Variants in AFAP1 observed in about 807,000 individuals in gnomAD.
AFAP1 encodes the protein actin filament-associated protein 1.
In AFAP1, 75 loss-of-function variants were observed where a neutral mutation model predicts 93.9. The ratio of observed to expected loss-of-function variants is 0.80; its 90% CI spans 0.66 to 0.97. AFAP1 has a LOEUF of 0.97. AFAP1 is among the 50% of genes least tolerant of loss of function. The pLI, the probability that AFAP1 is intolerant of heterozygous loss-of-function variation, is 0.00. For synonymous variants in AFAP1, 517 were observed against 430.7 expected, an observed-to-expected ratio of 1.20 and a Z score of -2.48; for missense variants, 1,201 against 1,050.8, an observed-to-expected ratio of 1.14 and a Z score of -1.98.
chr4:7,871,714 T>C (rs891791865), intron 2 of AFAP1, among the ~76,000 whole-genome samples: 4 of 152,130 alleles, frequency 2.6e-5, no homozygotes, highest in African/African-American at 9.7e-5. Context: ...AACGCTGGGG[T>C]TGCCCTGAGG....
At chr4:7,853,541 G>A (rs780225907) in intron 4 of AFAP1, among the ~76,000 whole-genome samples, 12 of 152,094 alleles carry the variant, frequency 7.9e-5, no homozygotes, top group African/African-American at 1.9e-4. Context: ...CTTTCTTCCC[G>A]GCTGCCGGCC....
chr4:7,839,121 G>T (rs1248594438), intron 5 of AFAP1, among the ~76,000 whole-genome samples: 1 of 152,150 alleles, frequency 6.6e-6, no homozygotes, highest in East Asian at 1.9e-4. Context: ...GATCACTTGA[G>T]CCCAGGAGTT....
At chr4:7,808,582 G>A (rs1479142910) in intron 9 of AFAP1, among the ~76,000 whole-genome samples, 1 of 152,324 alleles carries the variant, frequency 6.6e-6, no homozygotes. Flanking sequence ...CTGTGTGTTA[G>A]ACTGGATTTG....
chr4:7,767,529 G>A (rs1001783007), intron 17 of AFAP1, among the ~76,000 whole-genome samples: 9 of 152,174 alleles, frequency 5.9e-5, no homozygotes, highest in Non-Finnish European at 1.3e-4. Flanking sequence ...CACCAGCTGA[G>A]AACACTTGGT....
chr4:7,815,718 G>C (rs922704751), intron 8 of AFAP1, among the ~76,000 whole-genome samples: 5 of 152,154 alleles, frequency 3.3e-5, no homozygotes, highest in African/African-American at 1.2e-4. Context: ...GTGACAGATC[G>C]AGTGAAGAAA....
chr4:7,877,285 G>C (rs913252537), intron 1 of AFAP1, among the ~76,000 whole-genome samples: 2 of 151,806 alleles, frequency 1.3e-5, no homozygotes, highest in African/African-American at 4.8e-5. Flanking sequence ...CTCACAACGG[G>C]TCCTGTGAAA....
chr4:7,808,496 G>GTAGC (rs201698243), intron 9 of AFAP1, among the ~76,000 whole-genome samples: 12 of 10,470 alleles, frequency 1.1e-3, no homozygotes, highest in African/African-American at 1.8e-3. Context: ...TCACCAAAAG[G>GTAGC]TAGCTGCTCA....
chr4:7,874,714 T>C (rs1463573343), intron 1 of AFAP1, among the ~76,000 whole-genome samples: 1 of 151,654 alleles, frequency 6.6e-6, no homozygotes, highest in Non-Finnish European at 1.5e-5. Context: ...CACCATAATA[T>C]CTCACACAGT....
At chr4:7,933,684 G>C (rs112172348) in intron 1 of AFAP1, among the ~76,000 whole-genome samples, 3,761 of 152,324 alleles carry the variant, frequency 0.025, 148 homozygotes, top group African/African-American at 0.084. Context: ...GTCCTGAGCT[G>C]ATGGGACCAC....
chr4:7,926,661 C>T (rs1177562563), intron 1 of AFAP1, among the ~76,000 whole-genome samples: 1 of 152,144 alleles, frequency 6.6e-6, no homozygotes, highest in Non-Finnish European at 1.5e-5. Context: ...CCTTTTCCAC[C>T]CAAGTGGCCA....
chr4:7,860,735 C>G (rs1450573966), intron 3 of AFAP1, among the ~76,000 whole-genome samples: 5 of 152,168 alleles, frequency 3.3e-5, no homozygotes, highest in Admixed American at 6.5e-5. Context: ...ACCTACCACA[C>G]AGCGGGCTGA....
intron 6 of AFAP1, among the ~76,000 whole-genome samples, chr4:7,835,796 G>A (rs371684500): frequency 2.9e-4 from 19 of 64,780 alleles, no homozygotes; most frequent in African/African-American, 8.2e-4. Context: ...GACTGCGGGC[G>A]GCCTCAAGGT....
intron 10 of AFAP1, among the ~76,000 whole-genome samples, chr4:7,795,049 G>A (rs906158455): frequency 1.1e-4 from 16 of 151,976 alleles, no homozygotes; most frequent in South Asian, 4.2e-4. Context: ...AAGAAAATTG[G>A]GTTTTATAAT....
Position 7,816,229 on chromosome 4 carries a change from G to T in AFAP1, c.823-130C>A. The T allele has an allele frequency of 4.2e-6, 3 of 718,300 alleles. No individual in the cohort carries two copies. In the Admixed American group the frequency reaches 7.9e-5, roughly 19 times the overall value. 44.5% of individuals were successfully genotyped at this position (718,300 alleles called of 1,614,324 possible). A position where few individuals can be genotyped will look rare whatever the true frequency, so the allele number is the denominator to read the frequency against. On this transcript the variant is annotated intron_variant, in intron 7 of 17. Transcript: ENST00000420658. ...CCAAATTCATAGCAATCCAGAAGTG[G>T]TTAGAGCTTAACTATAACAAAGACT... is the stretch of plus-strand genomic sequence containing the variant.
At chr4:7,853,561 A>G (rs1461512088) in intron 4 of AFAP1, among the ~76,000 whole-genome samples, 1 of 152,168 alleles carries the variant, frequency 6.6e-6, no homozygotes, top group Non-Finnish European at 1.5e-5. Context: ...CCGACCAGAC[A>G]CAGCAGAAAC....
At chr4:7,930,865 C>G (rs571471012) in intron 1 of AFAP1, among the ~76,000 whole-genome samples, 1 of 152,198 alleles carries the variant, frequency 6.6e-6, no homozygotes, top group Non-Finnish European at 1.5e-5. Flanking sequence ...ATTCTTGTGC[C>G]TCACCCTCCT....
At chr4:7,864,891 T>C (rs959273799) in intron 3 of AFAP1, among the ~76,000 whole-genome samples, 2 of 152,068 alleles carry the variant, frequency 1.3e-5, no homozygotes, top group Non-Finnish European at 2.9e-5. Flanking sequence ...GGCAGGAGGA[T>C]TGCTTGAGCA....
At chr4:7,803,768 T>C (rs377145133) in intron 9 of AFAP1, among the ~76,000 whole-genome samples, 3 of 152,276 alleles carry the variant, frequency 2.0e-5, no homozygotes, top group African/African-American at 7.2e-5. Flanking sequence ...TTTCTTGACA[T>C]TTCAGCTGTA....
At chr4:7,787,200 C>G (rs573669945) in intron 11 of AFAP1, among the ~76,000 whole-genome samples, 3 of 152,336 alleles carry the variant, frequency 2.0e-5, no homozygotes, top group African/African-American at 7.2e-5. Context: ...GATGGGGTTC[C>G]CGGAGCTTCT....
Sources: allele counts gnomAD v4.1 joint callset (sites outside exome capture counted in the v4.1 genomes callset), GRCh38; gene constraint gnomAD v4.1.1; transcripts MANE v1.5; gene names NCBI Gene and HGNC (gene_info 2026-07-23, HGNC 2026-07-21).